The following ZC3H11A variants were observed in gnomAD, a reference collection of about 807,000 sequenced individuals.
ZC3H11A encodes zinc finger CCCH-type containing 11A.
In ZC3H11A, 22 loss-of-function variants were observed where a neutral mutation model predicts 90.8. The ratio of observed to expected loss-of-function variants is 0.24; its 90% CI spans 0.17 to 0.35. The LOEUF is 0.35. ZC3H11A is among the 10% of genes least tolerant of loss of function. ZC3H11A has a pLI of 1.00. For synonymous variants in ZC3H11A, 294 were observed against 339.8 expected (o/e 0.87, Z 1.48); for missense variants, 701 against 964.9 (o/e 0.73, Z 3.62).
chr1:203,821,251 T>C (rs1253600255), intron 4 of ZC3H11A, among the ~76,000 whole-genome samples: 1 of 152,212 alleles, frequency 6.6e-6, no homozygotes, highest in Non-Finnish European at 1.5e-5. Context: ...GTTCACCTCC[T>C]GCCATAATTA....
chr1:203,798,683 G>C, intron 1 of ZC3H11A: 1 of 1,536,146 alleles, frequency 6.5e-7, no homozygotes, highest in South Asian at 1.2e-5. Context: ...CCGTTGCAGA[G>C]CAAGGCACTC....
intron 8 of ZC3H11A, among the ~76,000 whole-genome samples, chr1:203,831,351 T>C (rs1682298610): frequency 6.6e-6 from 1 of 152,190 alleles, no homozygotes; most frequent in Non-Finnish European, 1.5e-5. Flanking sequence ...TGATGGCTAG[T>C]GTACCTCTGA....
Position 203,833,869 on chromosome 1 carries a change from T to A in ZC3H11A, c.874+16T>A. ...TTTTCAGCAGGTAAGATAAGTTTTG[T>A]GTATATCTTTTCTTTTCTACTTGTT... On this transcript the variant is annotated intron_variant, in intron 10 of 17. Transcript: ENST00000367210. The A allele has an allele frequency of 6.2e-7, 1 of 1,601,226 alleles. No individual in the cohort carries two copies. The highest frequency in any genetic ancestry group is 8.5e-7 in the Non-Finnish European group (1 of 1,174,064).
At chr1:203,837,583 T>C (rs1445370743) in intron 10 of ZC3H11A, among the ~76,000 whole-genome samples, 1 of 152,054 alleles carries the variant, frequency 6.6e-6, no homozygotes, top group Non-Finnish European at 1.5e-5. Context: ...CAAGTGATCC[T>C]TCTGCTTCAG....
chr1:203,798,638 G>A (rs1157081095), intron 1 of ZC3H11A: 1 of 1,536,016 alleles, frequency 6.5e-7, no homozygotes, highest in Non-Finnish European at 8.7e-7. Context: ...ATGAACCTAT[G>A]TTAGAGGTTG....
intron 4 of ZC3H11A, among the ~76,000 whole-genome samples, chr1:203,819,089 TACAC>T (rs200302232): frequency 0.051 from 7,117 of 140,916 alleles, 244 homozygotes; most frequent in Non-Finnish European, 0.065. Context: ...TATATATATA[TACAC>T]ACACACACAC....
Position 203,850,603 on chromosome 1 carries a change from C to G in ZC3H11A, c.2028C>G (p.His676Gln). 1 of 1,614,100 alleles carries G rather than the reference C, an allele frequency of 6.2e-7. No homozygotes were observed. The highest frequency in any genetic ancestry group is 8.5e-7 in the Non-Finnish European group (1 of 1,179,994). Residue 676 changes from histidine (H) to glutamine (Q), a missense_variant, in exon 16 of 18, where the codon CAC becomes CAG. Coordinates refer to ENST00000367210, the MANE Select transcript of ZC3H11A (RefSeq NM_001376342.1). ...CAAAACGTAAGGCAGTGGAGATGCA[C>G]GCTGCTGTCATTGCCGCTGTGAAGC... ...LAPKRKAVEMHAAVIAAVKPL... is the reference protein window; with the variant it reads ...LAPKRKAVEMQAAVIAAVKPL...
intron 4 of ZC3H11A, among the ~76,000 whole-genome samples, chr1:203,820,285 G>A (rs1479691874): frequency 1.3e-5 from 2 of 151,380 alleles, no homozygotes; most frequent in Non-Finnish European, 2.9e-5. Flanking sequence ...TAGTTGTCAC[G>A]ACTAGTTTTG....
At chr1:203,824,089 G>A (rs1352320245) in intron 4 of ZC3H11A, among the ~76,000 whole-genome samples, 3 of 152,012 alleles carry the variant, frequency 2.0e-5, no homozygotes, top group East Asian at 3.9e-4. Context: ...CCAACACAGT[G>A]AAACCCCGTC....
At chr1:203,846,533 TATC>T (rs754648310) in intron 12 of ZC3H11A, among the ~76,000 whole-genome samples, 8 of 152,218 alleles carry the variant, frequency 5.3e-5, no homozygotes, top group Admixed American at 1.3e-4. Context: ...TCAAAGCAGT[TATC>T]ATTACCATAC....
At chr1:203,808,613 C>T (rs12145049) in intron 2 of ZC3H11A, among the ~76,000 whole-genome samples, 23,812 of 151,992 alleles carry the variant, frequency 0.16, 1,970 homozygotes, top group African/African-American at 0.17. Flanking sequence ...TACAATTTCC[C>T]TCTTAGTGAC....
Position 203,830,178 on chromosome 1 carries a change from G to A in ZC3H11A, c.675G>A (p.Met225Ile), listed in dbSNP as rs372776955. Reference protein sequence around the residue: ...KTLEEIKSKKMKEKSKKQGEG... With the variant: ...KTLEEIKSKKIKEKSKKQGEG... ...TTGAGGAAATTAAGTCAAAGAAAAT[G>A]AAGGAAAAATCTAAGAAGCAAGGTG... Residue 225 changes from methionine (M) to isoleucine (I), a missense_variant, in exon 8 of 18, where the codon ATG becomes ATA. Around this residue, in one of 4 missense-constraint regions of ZC3H11A, gnomAD observed 530 missense variants for 696.2 expected, o/e 0.76. Coordinates refer to ENST00000367210, the MANE Select transcript of ZC3H11A (RefSeq NM_001376342.1). 27 of 1,599,850 alleles carry A rather than the reference G, an allele frequency of 1.7e-5. No homozygotes were observed. Among genetic ancestry groups the A allele is most frequent in the Non-Finnish European group, 2.1e-5 (25 of 1,176,354 alleles).
At chr1:203,837,907 T>TTTC in intron 10 of ZC3H11A, 59 bp from the exon 11 acceptor site, 1 of 1,528,094 alleles carries the variant, frequency 6.5e-7, no homozygotes. Context: ...TTTGTTTGTA[T>TTTC]TTCTTGTCCT....
At chr1:203,810,882 G>C (rs943608350) in intron 2 of ZC3H11A, among the ~76,000 whole-genome samples, 9 of 151,696 alleles carry the variant, frequency 5.9e-5, no homozygotes, top group African/African-American at 1.7e-4. Context: ...TGTAATCCCA[G>C]CACTTTGAGA....
intron 12 of ZC3H11A, 34 bp from the exon 13 acceptor site, chr1:203,847,150 A>G (rs778134124): frequency 1.9e-6 from 3 of 1,606,924 alleles, no homozygotes; most frequent in Non-Finnish European, 2.5e-6. Context: ...ATGAACTTCA[A>G]GTATAATGAC....
At chr1:203,797,558 ACT>A in intron 1 of ZC3H11A, 2 of 1,527,508 alleles carry the variant, frequency 1.3e-6, no homozygotes, top group East Asian at 2.4e-5. Context: ...CAGTTTCTTC[ACT>A]CTCTCCTGGC....
At chr1:203,835,670 A>G in intron 10 of ZC3H11A, 1 of 240,018 alleles carries the variant, frequency 4.2e-6, no homozygotes, top group Non-Finnish European at 9.0e-6. Flanking sequence ...GAACCACACC[A>G]CTGTTTCCAT....
At chr1:203,815,245 C>T (rs565497233) in intron 2 of ZC3H11A, among the ~76,000 whole-genome samples, 9 of 98,808 alleles carry the variant, frequency 9.1e-5, no homozygotes, top group East Asian at 7.4e-4. Flanking sequence ...GACAGTGTCT[C>T]GCTCTGTTGC....
At chr1:203,803,199 T>G (rs1263990980) in intron 2 of ZC3H11A, among the ~76,000 whole-genome samples, 183 bp downstream of exon 2, 1 of 152,232 alleles carries the variant, frequency 6.6e-6, no homozygotes, top group Non-Finnish European at 1.5e-5. Context: ...TTTTCTTTTT[T>G]TCTTTTTTGG....
Sources: allele counts gnomAD v4.1 joint callset (sites outside exome capture counted in the v4.1 genomes callset), GRCh38; gene constraint gnomAD v4.1.1; regional missense constraint gnomAD v4.1.1; transcripts MANE v1.5; gene names NCBI Gene and HGNC (gene_info 2026-07-23, HGNC 2026-07-21).